The following ID4 variants were observed in gnomAD, a reference collection of about 807,000 sequenced individuals.
ID4 encodes DNA-binding protein inhibitor ID-4.
In ID4, 9 loss-of-function variants were observed where a neutral mutation model predicts 8.6. The ratio of observed to expected loss-of-function variants is 1.04; its 90% CI spans 0.63 to 1.82. The LOEUF is 1.82. Ranked by LOEUF, ID4 falls within the 40% of genes most tolerant of loss-of-function variation. The probability of loss-of-function intolerance (pLI) is 0.00; values close to 1 mark genes in which losing one functional copy is unlikely to be tolerated. For missense variants in ID4, 270 were observed against 235.1 expected, an observed-to-expected ratio of 1.15 and a Z score of -0.97; for synonymous variants, 180 against 118.0, an observed-to-expected ratio of 1.53 and a Z score of -3.41.
chr6:19,838,038 A>G lies in ID4; in HGVS notation c.284A>G (p.Gln95Arg), dbSNP rs1175991136. ...NKKVSKVEIL[Q>R]HVIDYILDLQ... is the part of the protein sequence containing the mutation. ...AAAGTCAGCAAAGTGGAGATCCTGCAGCACGTTATCGACTACATCCTGGAC... is the reference window on the plus strand; with the variant it reads ...AAAGTCAGCAAAGTGGAGATCCTGCGGCACGTTATCGACTACATCCTGGAC... Residue 95 changes from glutamine (Q) to arginine (R), a missense_variant, in exon 1 of 3, where the codon CAG becomes CGG. By Grantham distance (43) the Gln-to-Arg change is conservative (BLOSUM62 1). Coordinates refer to ENST00000378700, the MANE Select transcript of ID4 (RefSeq NM_001546.4). 1.9e-6 allele frequency: 3 copies of G among 1,607,246 alleles called. No homozygotes were observed. The highest frequency in any genetic ancestry group is 2.7e-5 in the African/African-American group (2 of 74,544).
Position 19,837,850 on chromosome 6 carries a change from C to T in ID4, c.96C>T (p.Gly32=), listed in dbSNP as rs1250427979. The stretch of plus-strand genomic sequence containing the variant: ...CGCTGCGCTGCCTGGCCGAGCACGG[C>T]CACAGCCTGGGTGGCTCCGCAGCCG... ...ELALRCLAEH[G]HSLGGSAAAA... Residue 32 remains glycine, a synonymous_variant, in exon 1 of 3, where the codon GGC becomes GGT. Transcript: ENST00000378700. The T allele has an allele frequency of 8.3e-7, 1 of 1,211,474 alleles. No individual in the cohort carries two copies. Among genetic ancestry groups the T allele is most frequent in the Non-Finnish European group, 1.0e-6 (1 of 974,562 alleles). The allele number at this position is 1,211,474 out of a possible 1,614,324, so 75.0% of individuals were successfully genotyped here. A position where few individuals can be genotyped will look rare whatever the true frequency, so the allele number is the denominator to read the frequency against.
Position 19,837,771 on chromosome 6 carries a change from C to G in ID4, c.17C>G (p.Pro6Arg). 1 of 1,126,168 alleles carries G rather than the reference C, an allele frequency of 8.9e-7. No individual in the cohort carries two copies. Among genetic ancestry groups the G allele is most frequent in the Non-Finnish European group, 1.1e-6 (1 of 921,024 alleles). 69.8% of individuals were successfully genotyped at this position (1,126,168 alleles called of 1,614,324 possible). Residue 6 changes from proline to arginine, a missense_variant, in exon 1 of 3, where the codon CCG (proline) becomes CGG (arginine). Physicochemically the swap from Pro to Arg is moderately radical, Grantham distance 103. This residue lies in a region of ID4 where 160 missense variants were observed against 131.5 expected (regional missense o/e 1.22). Coordinates refer to ENST00000378700, the MANE Select transcript of ID4 (RefSeq NM_001546.4). ...GCGCGCGCGATGAAGGCGGTGAGCC[C>G]GGTGCGCCCCTCGGGCCGCAAGGCG... MKAVS[P>R]VRPSGRKAPS...
rs1761357609 is a variant in ID4 at position 19,841,421 on chromosome 6, A to G, written c.*2226A>G. Among the ~76,000 whole-genome samples the G allele has an allele frequency of 6.6e-6, 1 of 152,208 alleles. No individual in the cohort carries two copies. Among genetic ancestry groups the G allele is most frequent in the Non-Finnish European group, 1.5e-5 (1 of 68,026 alleles). On this transcript the variant is annotated 3_prime_UTR_variant, in exon 3 of 3. Transcript: ENST00000378700. ...TTAATTTCAGTAGGAAGCATGTCAC[A>G]TGTGCACTGTTGGTTAGAATTATGC...
rs1476124965 is a variant in ID4 at position 19,837,917 on chromosome 6, G to A, written c.163G>A (p.Ala55Thr). The change falls in exon 1 of 3, where the codon GCG becomes ACG. Residue 55 changes from alanine to threonine, a missense_variant. By Grantham distance (58) the Ala-to-Thr change is moderately conservative (BLOSUM62 0). Coordinates refer to ENST00000378700, the MANE Select transcript of ID4 (RefSeq NM_001546.4). ...GGCAGCGCGCTGTAAGGCGGCCGAGGCGGCGGCCGACGAGCCGGCGCTGTG... is the reference window on the plus strand; with the variant it reads ...GGCAGCGCGCTGTAAGGCGGCCGAGACGGCGGCCGACGAGCCGGCGCTGTG... Reference protein sequence around the residue: ...AAAARCKAAEAAADEPALCLQ... With the variant: ...AAAARCKAAETAADEPALCLQ... 1.4e-6 allele frequency: 2 copies of A among 1,427,424 alleles called. No individual in the cohort carries two copies. Among genetic ancestry groups the A allele is most frequent in the African/African-American group, 1.5e-5 (1 of 67,676 alleles). 88.4% of individuals were successfully genotyped at this position (1,427,424 alleles called of 1,614,324 possible).
At position 19,840,281 on chromosome 6, in the gene ID4, G is replaced by A. The variant is rs968186615; in HGVS notation, c.*1086G>A. ...TTACGAAATCTGCTGTTTTATCAAA[G>A]TGAAAAAAAATTGCTTATTACTCTT... On this transcript the variant is annotated 3_prime_UTR_variant, in exon 3 of 3. Transcript: ENST00000378700. 1.2e-4 allele frequency: 19 copies of A among 152,388 alleles called. No individual in the cohort carries two copies. Among genetic ancestry groups the A allele is most frequent in the African/African-American group, 4.6e-4 (19 of 41,378 alleles). The allele number at this position is 152,388 out of a possible 1,614,324, so 9.4% of individuals were successfully genotyped here.
chr6:19,841,180 T>C lies in ID4; in HGVS notation c.*1985T>C, dbSNP rs1561855241. Among the ~76,000 whole-genome samples, 1 of 152,212 alleles carries C rather than the reference T, an allele frequency of 6.6e-6. No individual in the cohort carries two copies. The highest frequency in any genetic ancestry group is 1.5e-5 in the Non-Finnish European group (1 of 68,014). ...TATTTCCTCAGCTCTGATAATTTACTGGTCTTGAGTATTTTGAGAATTTGA... is the reference window on the plus strand; with the variant it reads ...TATTTCCTCAGCTCTGATAATTTACCGGTCTTGAGTATTTTGAGAATTTGA... On this transcript the variant is annotated 3_prime_UTR_variant, in exon 3 of 3. Coordinates refer to ENST00000378700, the MANE Select transcript of ID4 (RefSeq NM_001546.4).
At position 19,839,962 on chromosome 6, in the gene ID4, G is replaced by A. The variant is rs1211201645; in HGVS notation, c.*767G>A. ...TCTTAATTTGCTTTTGTTTTGCCCA[G>A]TATAGACTCGGAAGTAACAGTTATA... is the stretch of plus-strand genomic sequence containing the variant. On this transcript the variant is annotated 3_prime_UTR_variant, in exon 3 of 3. Coordinates refer to ENST00000378700, the MANE Select transcript of ID4 (RefSeq NM_001546.4). The A allele has an allele frequency of 6.6e-6, 1 of 152,170 alleles. No individual in the cohort carries two copies. The highest frequency in any genetic ancestry group is 1.5e-5 in the Non-Finnish European group (1 of 68,004). 9.4% of individuals were successfully genotyped at this position (152,170 alleles called of 1,614,324 possible).
chr6:19,838,194 C>T lies in ID4; in HGVS notation c.440C>T (p.Pro147Leu), dbSNP rs778404290. Residue 147 changes from proline (P) to leucine (L), a missense_variant and splice_region_variant, in exon 1 of 3, where the codon CCG becomes CTG. Physicochemically the swap from Pro to Leu is moderately conservative, Grantham distance 98 (BLOSUM62 -3). This residue lies in a region of ID4 where 107 missense variants were observed against 81.0 expected (regional missense o/e 1.32). Coordinates refer to ENST00000378700, the MANE Select transcript of ID4 (RefSeq NM_001546.4). ...CCGCTCACTGCGCTCAACACCGACC[C>T]GGTGAGAGGCCGGGCGCCGGCCGTG... ...RTPLTALNTD[P>L]AGAVNKQGDS... 4 of 1,374,658 alleles carry T rather than the reference C, an allele frequency of 2.9e-6. No individual in the cohort carries two copies. In the East Asian group the frequency reaches 1.2e-4, roughly 43 times the overall value. The allele number at this position is 1,374,658 out of a possible 1,614,324, so 85.2% of individuals were successfully genotyped here. A position where few individuals can be genotyped will look rare whatever the true frequency, so the allele number is the denominator to read the frequency against.
chr6:19,838,161 C>G lies in ID4; in HGVS notation c.407C>G (p.Pro136Arg). ...GCCGGGACCTGTCCAGCCGCGCCGC[C>G]GCGGACCCCGCTCACTGCGCTCAAC... ...HPAGTCPAAP[P>R]RTPLTALNTD... is the part of the protein sequence containing the mutation. The change falls in exon 1 of 3, where the codon CCG becomes CGG. Residue 136 changes from proline (P) to arginine (R), a missense_variant. This residue lies in a region of ID4 where 107 missense variants were observed against 81.0 expected (regional missense o/e 1.32). Transcript: ENST00000378700. 1.3e-6 allele frequency: 2 copies of G among 1,509,068 alleles called. No individual in the cohort carries two copies. Among genetic ancestry groups the G allele is most frequent in the Non-Finnish European group, 8.9e-7 (1 of 1,128,106 alleles). 93.5% of individuals were successfully genotyped at this position (1,509,068 alleles called of 1,614,324 possible).
chr6:19,838,565 T>G lies in ID4; in HGVS notation c.442-19T>G. The G allele has an allele frequency of 9.3e-6, 15 of 1,613,888 alleles. No individual in the cohort carries two copies. Among genetic ancestry groups the G allele is most frequent in the Non-Finnish European group, 1.2e-5 (14 of 1,179,856 alleles). ...TTGCGCCTGCTAACCTTTCCCTTGG[T>G]GTTCGGTTGCTGTTCCAGGCCGGCG... On this transcript the variant is annotated intron_variant, in intron 1 of 2. Transcript: ENST00000378700.
Position 19,838,141 on chromosome 6 carries a change from G to A in ID4, c.387G>A (p.Gly129=). The part of the protein sequence containing the change: ...PPPAPPHHPA[G]TCPAAPPRTP... ...CCGCGCCGCCACACCACCCGGCCGG[G>A]ACCTGTCCAGCCGCGCCGCCGCGGA... Residue 129 remains glycine (G), a synonymous_variant, in exon 1 of 3, where the codon GGG becomes GGA. Coordinates refer to ENST00000378700, the MANE Select transcript of ID4 (RefSeq NM_001546.4). The A allele has an allele frequency of 2.6e-6, 4 of 1,557,624 alleles. No individual in the cohort carries two copies. The highest frequency in any genetic ancestry group is 3.5e-6 in the Non-Finnish European group (4 of 1,152,330).
chr6:19,838,592 G>A lies in ID4; in HGVS notation c.450G>A (p.Ala150=), dbSNP rs371676951. 25 of 1,613,894 alleles carry A rather than the reference G, an allele frequency of 1.5e-5. No homozygotes were observed. The African/African-American group carries it at 2.0e-4, about 13-fold the overall frequency. The change falls in exon 2 of 3, where the codon GCG becomes GCA. Residue 150 remains alanine (A), a synonymous_variant. Transcript: ENST00000378700. ...TTCGGTTGCTGTTCCAGGCCGGCGC[G>A]GTGAACAAGCAGGGCGACAGCATTC... ...LTALNTDPAG[A]VNKQGDSILC... is the part of the protein sequence containing the mutation.
chr6:19,841,160 C>T lies in ID4; in HGVS notation c.*1965C>T, dbSNP rs917481409. On this transcript the variant is annotated 3_prime_UTR_variant, in exon 3 of 3. Coordinates refer to ENST00000378700, the MANE Select transcript of ID4 (RefSeq NM_001546.4). ...TGATTCTGTCCTCAGCATGTTATTT[C>T]CTCAGCTCTGATAATTTACTGGTCT... Among the ~76,000 whole-genome samples, 6 of 152,268 alleles carry T rather than the reference C, an allele frequency of 3.9e-5. No homozygotes were observed. Among genetic ancestry groups the T allele is most frequent in the African/African-American group, 9.6e-5 (4 of 41,564 alleles).
chr6:19,838,462 G>A (rs1398513289), intron 1 of ID4, 122 bp from the exon 2 acceptor site: 8 of 1,352,762 alleles, frequency 5.9e-6, no homozygotes, highest in Non-Finnish European at 8.3e-6. Flanking sequence ...GGGCCCCCCC[G>A]GCTACAGGCT....
At chr6:19,838,525 T>C in intron 1 of ID4, 59 bp from the exon 2 acceptor site, 4 of 1,608,076 alleles carry the variant, frequency 2.5e-6, no homozygotes, top group Admixed American at 1.7e-5. Flanking sequence ...TCCAGGACCG[T>C]GTCGAGCGCG....
At chr6:19,838,852 GT>G in intron 2 of ID4, 6 of 567,908 alleles carry the variant, frequency 1.1e-5, no homozygotes, top group Non-Finnish European at 1.9e-5. Flanking sequence ...GTGGAGACGG[GT>G]CAGCCCTTGT....
rs1286576747 is a variant in ID4 at position 19,840,515 on chromosome 6, C to T, written c.*1320C>T. 6.6e-6 allele frequency: 1 copy of T among 152,516 alleles called. No individual in the cohort carries two copies. The highest frequency in any genetic ancestry group is 2.4e-5 in the African/African-American group (1 of 41,430). 9.4% of individuals were successfully genotyped at this position (152,516 alleles called of 1,614,324 possible). A position where few individuals can be genotyped will look rare whatever the true frequency, so the allele number is the denominator to read the frequency against. ...AAATCCTTCAAGCAGGGATAAAAGT[C>T]GATCTTCAAACATTAACTTAAGCAG... is the stretch of plus-strand genomic sequence containing the variant. On this transcript the variant is annotated 3_prime_UTR_variant, in exon 3 of 3. Coordinates refer to ENST00000378700, the MANE Select transcript of ID4 (RefSeq NM_001546.4).
Position 19,839,495 on chromosome 6 carries a change from A to G in ID4, c.*300A>G, listed in dbSNP as rs1185361891. 1 of 152,648 alleles carries G rather than the reference A, an allele frequency of 6.6e-6. No individual in the cohort carries two copies. The highest frequency in any genetic ancestry group is 1.5e-5 in the Non-Finnish European group (1 of 68,038). 9.5% of individuals were successfully genotyped at this position (152,648 alleles called of 1,614,324 possible). On this transcript the variant is annotated 3_prime_UTR_variant, in exon 3 of 3. Transcript: ENST00000378700. ...GAGGTGCAGTTAAACTTTTAAGCTT[A>G]AGTGTGACAGGACTGATAAATAGAA...
chr6:19,837,644 C>A lies in ID4; in HGVS notation c.-111C>A. 4.1e-6 allele frequency: 3 copies of A among 732,360 alleles called. No individual in the cohort carries two copies. The highest frequency in any genetic ancestry group is 5.1e-6 in the Non-Finnish European group (3 of 582,926). 45.4% of individuals were successfully genotyped at this position (732,360 alleles called of 1,614,324 possible). A position where few individuals can be genotyped will look rare whatever the true frequency, so the allele number is the denominator to read the frequency against. On this transcript the variant is annotated 5_prime_UTR_variant, in exon 1 of 3. Transcript: ENST00000378700. ...GGAGTGTCGCGGTGCCCCGAGCGCG[C>A]CGGGCGCGGAGGCAAAGGGAGCGGA... is the stretch of plus-strand genomic sequence containing the variant.
Sources: allele counts gnomAD v4.1 joint callset (sites outside exome capture counted in the v4.1 genomes callset), GRCh38; gene constraint gnomAD v4.1.1; regional missense constraint gnomAD v4.1.1; transcripts MANE v1.5; gene names NCBI Gene and HGNC (gene_info 2026-07-23, HGNC 2026-07-21).